QTMAN: variants seen among roughly 807,000 people sequenced by gnomAD.
QTMAN encodes queuosine-tRNA mannosyltransferase.
the QTMAN span, among the ~76,000 whole-genome samples, chr2:144,145,108 TAAAA>T: frequency 2.8e-5 from 3 of 109,052 alleles, no homozygotes; most frequent in Admixed American, 1.9e-4. Context: ...TCTTACAATT[TAAAA>T]AAAAAAAAAA....
At chr2:144,324,562 A>T in the QTMAN span, among the ~76,000 whole-genome samples, 1 of 152,176 alleles carries the variant, frequency 6.6e-6, no homozygotes. Flanking sequence ...CTGACTGTGA[A>T]ACCCAAAATC....
At chr2:143,938,204 C>T in the QTMAN span, 1 of 152,318 alleles carries the variant, frequency 6.6e-6, no homozygotes, top group South Asian at 2.1e-4. Flanking sequence ...CCCTCCATGG[C>T]TCTGCGGCTC....
the QTMAN span, among the ~76,000 whole-genome samples, chr2:144,227,129 C>T: frequency 2.0e-5 from 3 of 152,124 alleles, no homozygotes; most frequent in Non-Finnish European, 4.4e-5. Context: ...AGCCATATGA[C>T]GCTTCCAAGG....
At chr2:143,991,560 G>T in the QTMAN span, among the ~76,000 whole-genome samples, 7 of 144,890 alleles carry the variant, frequency 4.8e-5, no homozygotes, top group South Asian at 6.7e-4. Flanking sequence ...GGAGGGAGGT[G>T]GGGGGGTCAG....
the QTMAN span, among the ~76,000 whole-genome samples, chr2:144,307,159 T>TAAAAAAAAAAAAAAAAAAAAAAAAAATAA: frequency 2.5e-5 from 1 of 40,466 alleles, no homozygotes; most frequent in African/African-American, 1.3e-4. Flanking sequence ...GACTCCGTCT[T>TAAAAAAAAAAAAAAAAAAAAAAAAAATAA]AAAAAAAAAA....
chr2:144,057,384 G>T, the QTMAN span, among the ~76,000 whole-genome samples: 1 of 152,180 alleles, frequency 6.6e-6, no homozygotes, highest in Non-Finnish European at 1.5e-5. Context: ...GAGAGACCAA[G>T]ATATATATGC....
the QTMAN span, among the ~76,000 whole-genome samples, chr2:144,162,555 C>A: frequency 6.6e-6 from 1 of 151,908 alleles, no homozygotes; most frequent in South Asian, 2.1e-4. Context: ...CAGAATATAT[C>A]AGGGGAAAAA....
chr2:144,222,112 T>G, the QTMAN span, among the ~76,000 whole-genome samples: 7 of 151,850 alleles, frequency 4.6e-5, no homozygotes, highest in South Asian at 1.0e-3. Flanking sequence ...CAGGCTGGAG[T>G]GCAGTGGCGT....
chr2:144,056,470 C>A, the QTMAN span, among the ~76,000 whole-genome samples: 5 of 152,218 alleles, frequency 3.3e-5, no homozygotes, highest in Non-Finnish European at 7.3e-5. Flanking sequence ...GCACTTCTCA[C>A]CATCTGACAC....
chr2:144,182,403 G>A, the QTMAN span, among the ~76,000 whole-genome samples: 1 of 152,076 alleles, frequency 6.6e-6, no homozygotes, highest in Non-Finnish European at 1.5e-5. Context: ...CACTTTGGGA[G>A]GCCGAAGTGT....
chr2:144,025,431 A>T, the QTMAN span, among the ~76,000 whole-genome samples: 2 of 152,338 alleles, frequency 1.3e-5, no homozygotes, highest in Non-Finnish European at 2.9e-5. Flanking sequence ...GTCAAGGAGA[A>T]AGGCAAGCAA....
chr2:144,014,151 C>T, the QTMAN span, among the ~76,000 whole-genome samples: 13 of 152,132 alleles, frequency 8.5e-5, no homozygotes, highest in African/African-American at 3.1e-4. Flanking sequence ...TGGCTGCATG[C>T]TCTTCTTTAC....
the QTMAN span, among the ~76,000 whole-genome samples, chr2:144,165,810 A>T: frequency 1.3e-5 from 2 of 152,234 alleles, no homozygotes; most frequent in Non-Finnish European, 2.9e-5. Context: ...TTCCATTAAG[A>T]ACCTATTAAT....
chr2:144,089,341 T>C, the QTMAN span, among the ~76,000 whole-genome samples: 1 of 151,970 alleles, frequency 6.6e-6, no homozygotes, highest in Admixed American at 6.6e-5. Flanking sequence ...TATACACTAT[T>C]GGTAGGAATG....
chr2:144,036,655 A>G, the QTMAN span, among the ~76,000 whole-genome samples: 2 of 152,186 alleles, frequency 1.3e-5, no homozygotes, highest in South Asian at 2.1e-4. Flanking sequence ...TAACCCATAT[A>G]CACTCTGTAT....
At chr2:144,267,752 C>A in the QTMAN span, among the ~76,000 whole-genome samples, 1 of 152,148 alleles carries the variant, frequency 6.6e-6, no homozygotes, top group African/African-American at 2.4e-5. Context: ...TGAAAATTTT[C>A]CTGCAACTGA....
the QTMAN span, among the ~76,000 whole-genome samples, chr2:143,974,196 C>T: frequency 6.6e-6 from 1 of 152,154 alleles, no homozygotes; most frequent in Non-Finnish European, 1.5e-5. Context: ...ACCATATTTG[C>T]AGATTTATGG....
At chr2:144,023,616 GA>G in the QTMAN span, among the ~76,000 whole-genome samples, 1 of 152,076 alleles carries the variant, frequency 6.6e-6, no homozygotes, top group African/African-American at 2.4e-5. Flanking sequence ...TTTCCACCTT[GA>G]AATATTTTTT....
chr2:144,191,739 A>C, the QTMAN span, among the ~76,000 whole-genome samples: 1 of 152,210 alleles, frequency 6.6e-6, no homozygotes, highest in Non-Finnish European at 1.5e-5. Context: ...ATCTTTGCTT[A>C]TAAAAGTTCA....
Sources: gnomAD v4.1 joint callset for allele counts (sites outside exome capture counted in the v4.1 genomes callset) on GRCh38, gnomAD v4.1.1 for gene constraint, MANE v1.5 for transcripts, NCBI Gene and HGNC (gene_info 2026-07-23, HGNC 2026-07-21) for gene names.